The following POLDIP3 variants were observed in gnomAD, a reference collection of about 807,000 sequenced individuals.
POLDIP3 encodes the protein polymerase delta-interacting protein 3.
POLDIP3 carries 14 observed loss-of-function variants against 45.1 expected under a neutral mutation model. The observed-to-expected ratio is 0.31, with a 90% CI of 0.20 to 0.49. POLDIP3 has a LOEUF of 0.49. Among genes scored for constraint, POLDIP3 ranks in the 20% least tolerant of loss-of-function variants. The pLI is 0.99. For missense variants in POLDIP3, 511 were observed against 538.8 expected (o/e 0.95, Z 0.51); for synonymous variants, 223 against 205.2 (o/e 1.09, Z -0.74).
chr22:42,602,907 T>C lies in POLDIP3; in HGVS notation c.313A>G (p.Thr105Ala). Residue 105 changes from threonine (T) to alanine (A), a missense_variant, in exon 2 of 9, where the codon ACC (threonine) becomes GCC (alanine). Around this residue, in one of 4 missense-constraint regions of POLDIP3, gnomAD observed 378 missense variants for 352.3 expected, o/e 1.07. Transcript: ENST00000252115. The stretch of plus-strand genomic sequence containing the variant: ...TGGCGGGGCTTCTGGGGCACCGTGG[T>C]CTGCTGCTTGCGAGAGTTCAACATC... ...REMLNSRKQQ[T>A]TVPQKPRQVA... The C allele has an allele frequency of 6.2e-7, 1 of 1,614,096 alleles. No individual in the cohort carries two copies. The highest frequency in any genetic ancestry group is 1.6e-4 in the Middle Eastern group (1 of 6,062).
intron 6 of POLDIP3, 31 bp from the exon 7 acceptor site, chr22:42,592,115 G>A: frequency 1.2e-6 from 2 of 1,613,054 alleles, no homozygotes; most frequent in Non-Finnish European, 8.5e-7. Flanking sequence ...TGGGATTGGG[G>A]AAGGATTTCT....
rs1486726892 is a variant in POLDIP3 at position 42,603,300 on chromosome 22, G to C, written c.60-140C>G. On this transcript the variant is annotated intron_variant, in intron 1 of 8. Transcript: ENST00000252115. ...GCTCCTTGCCTGTGATTGAATAAAC[G>C]ATTATGCCTACATGATGACTCCTTT... The C allele has an allele frequency of 3.6e-6, 3 of 833,010 alleles. No individual in the cohort carries two copies. The East Asian group carries it at 7.8e-5, about 22-fold the overall frequency. 51.6% of individuals were successfully genotyped at this position (833,010 alleles called of 1,614,324 possible).
In POLDIP3 at chr22:42,599,756, G is replaced by A. The variant is rs774110828; in HGVS notation, c.575C>T (p.Ala192Val). Residue 192 changes from alanine to valine, a missense_variant, in exon 4 of 9, where the codon GCT (alanine) becomes GTT (valine). By Grantham distance (64) the Ala-to-Val change is moderately conservative. Transcript: ENST00000252115. ...CTTCATCTGTTTAGTAGGAACGGAA[G>A]CTATACCATCATCATCTTCATCCAG... is the stretch of plus-strand genomic sequence containing the variant. ...YDLDEDDDGI[A>V]SVPTKQMKFA... 9 of 1,612,092 alleles carry A rather than the reference G, an allele frequency of 5.6e-6. No homozygotes were observed. Among genetic ancestry groups the A allele is most frequent in the South Asian group, 1.1e-5 (1 of 91,004 alleles).
Position 42,584,060 on chromosome 22 carries a change from G to A in POLDIP3, c.*1731C>T, listed in dbSNP as rs1925136490. 1 of 152,526 alleles carries A rather than the reference G, an allele frequency of 6.6e-6. No individual in the cohort carries two copies. Among genetic ancestry groups the A allele is most frequent in the South Asian group, 2.1e-4 (1 of 4,830 alleles). 9.4% of individuals were successfully genotyped at this position (152,526 alleles called of 1,614,324 possible). A position where few individuals can be genotyped will look rare whatever the true frequency, so the allele number is the denominator to read the frequency against. Reference sequence around the variant, plus strand: ...ATGAGAGGGAGGATAAAGCCATGCAGGGAGGATATTTACCATCCCTACCCT... The same window carrying A: ...ATGAGAGGGAGGATAAAGCCATGCAAGGAGGATATTTACCATCCCTACCCT... On this transcript the variant is annotated 3_prime_UTR_variant, in exon 9 of 9. Transcript: ENST00000252115.
Position 42,585,609 on chromosome 22 carries a change from G to T in POLDIP3, c.*182C>A. On this transcript the variant is annotated 3_prime_UTR_variant, in exon 9 of 9. Coordinates refer to ENST00000252115, the MANE Select transcript of POLDIP3 (RefSeq NM_032311.5). ...ACAGGAAACGTTAACGTAGAGAGAA[G>T]AGCACAGGGCAGAACACAACACAGA... The T allele has an allele frequency of 1.5e-6, 1 of 672,196 alleles. No homozygotes were observed. The allele number at this position is 672,196 out of a possible 1,614,324, so 41.6% of individuals were successfully genotyped here. A position where few individuals can be genotyped will look rare whatever the true frequency, so the allele number is the denominator to read the frequency against.
chr22:42,597,757 G>A (rs1205887498), intron 4 of POLDIP3: 2 of 468,430 alleles, frequency 4.3e-6, no homozygotes, highest in Non-Finnish European at 8.8e-6. Flanking sequence ...GAAACAAACT[G>A]GCATCATTCA....
intron 4 of POLDIP3, among the ~76,000 whole-genome samples, chr22:42,598,017 A>C (rs2146815466): frequency 6.6e-6 from 1 of 151,844 alleles, no homozygotes; most frequent in African/African-American, 2.4e-5. Flanking sequence ...ACCTCAGGTA[A>C]TCTGCCCACC....
At chr22:42,586,038 T>C in intron 8 of POLDIP3, 70 bp from the exon 9 acceptor site, 1 of 1,427,868 alleles carries the variant, frequency 7.0e-7, no homozygotes. Context: ...ACCCACCATT[T>C]ACTGGGCATC....
At chr22:42,586,023 A>G in intron 8 of POLDIP3, 55 bp from the exon 9 acceptor site, 1 of 1,497,264 alleles carries the variant, frequency 6.7e-7, no homozygotes, top group Non-Finnish European at 9.0e-7. Context: ...TTAGATGGGG[A>G]GGGGACCCAC....
intron 7 of POLDIP3, 114 bp downstream of exon 7, chr22:42,591,841 G>T: frequency 2.2e-6 from 3 of 1,378,432 alleles, no homozygotes; most frequent in Non-Finnish European, 3.0e-6. Context: ...GTGCAGACGA[G>T]GCCCCAGAGA....
Position 42,584,895 on chromosome 22 carries a change from T to C in POLDIP3, c.*896A>G. 2.2e-6 allele frequency: 1 copy of C among 455,844 alleles called. No individual in the cohort carries two copies. The highest frequency in any genetic ancestry group is 2.0e-5 in the African/African-American group (1 of 50,024). The allele number at this position is 455,844 out of a possible 1,614,324, so 28.2% of individuals were successfully genotyped here. A position where few individuals can be genotyped will look rare whatever the true frequency, so the allele number is the denominator to read the frequency against. On this transcript the variant is annotated 3_prime_UTR_variant, in exon 9 of 9. Transcript: ENST00000252115. The stretch of plus-strand genomic sequence containing the variant: ...ACTGACCTCTTCCATTCAAATAAGC[T>C]CCAAACCCAAGCACTGCACAATGGG...
chr22:42,614,677 G>T, intron 1 of POLDIP3, 122 bp downstream of exon 1: 1 of 1,088,584 alleles, frequency 9.2e-7, no homozygotes, highest in Non-Finnish European at 1.4e-6. Context: ...AATGAGGAGC[G>T]CGGCTGTGGT....
At chr22:42,602,249 C>T (rs1249831621) in intron 2 of POLDIP3, 193 bp from the exon 3 acceptor site, 1 of 871,274 alleles carries the variant, frequency 1.1e-6, no homozygotes, top group East Asian at 2.7e-5. Flanking sequence ...CGGTAACGCA[C>T]ATGTAGGGCT....
chr22:42,600,518 C>T (rs566270622), intron 3 of POLDIP3, among the ~76,000 whole-genome samples: 10 of 151,686 alleles, frequency 6.6e-5, no homozygotes, highest in South Asian at 2.1e-4. Flanking sequence ...CCCAGCTACT[C>T]GGGAGGCTGA....
chr22:42,584,653 G>C lies in POLDIP3; in HGVS notation c.*1138C>G, dbSNP rs1340902279. On this transcript the variant is annotated 3_prime_UTR_variant, in exon 9 of 9. Transcript: ENST00000252115. ...TTTCGTCCCAACTGTCTGCGCCTAT[G>C]CTGGGGAAACACCTTGCCTGGTAGA... is the stretch of plus-strand genomic sequence containing the variant. 2 of 346,336 alleles carry C rather than the reference G, an allele frequency of 5.8e-6. No individual in the cohort carries two copies. Among genetic ancestry groups the C allele is most frequent in the African/African-American group, 4.3e-5 (2 of 46,250 alleles). 21.5% of individuals were successfully genotyped at this position (346,336 alleles called of 1,614,324 possible). A position where few individuals can be genotyped will look rare whatever the true frequency, so the allele number is the denominator to read the frequency against.
intron 7 of POLDIP3, among the ~76,000 whole-genome samples, chr22:42,591,080 AAAAT>A (rs1481546083): frequency 1.3e-5 from 2 of 151,344 alleles, no homozygotes; most frequent in African/African-American, 4.8e-5. Flanking sequence ...AAAAAATAAA[AAAAT>A]AAAAAAATAA....
intron 4 of POLDIP3, among the ~76,000 whole-genome samples, chr22:42,599,485 T>C (rs751208405): frequency 2.6e-5 from 4 of 152,120 alleles, no homozygotes; most frequent in Non-Finnish European, 5.9e-5. Context: ...GCGCCTGTAA[T>C]CCCAGCTACT....
At chr22:42,594,716 G>C (rs1352109707) in intron 6 of POLDIP3, among the ~76,000 whole-genome samples, 3 of 152,170 alleles carry the variant, frequency 2.0e-5, no homozygotes, top group Non-Finnish European at 4.4e-5. Flanking sequence ...AGTCCTAGCT[G>C]CATCCAGAAC....
intron 4 of POLDIP3, among the ~76,000 whole-genome samples, chr22:42,598,415 T>G (rs1472893501): frequency 6.8e-6 from 1 of 147,102 alleles, no homozygotes; most frequent in African/African-American, 2.5e-5. Context: ...CACGCCTGGC[T>G]AATTTTTTGG....
Sources: allele counts gnomAD v4.1 joint callset (sites outside exome capture counted in the v4.1 genomes callset), GRCh38; gene constraint gnomAD v4.1.1; regional missense constraint gnomAD v4.1.1; transcripts MANE v1.5; gene names NCBI Gene and HGNC (gene_info 2026-07-23, HGNC 2026-07-21).